RIMBP2: variants seen among roughly 807,000 people sequenced by gnomAD.
The protein encoded by RIMBP2 is RIMS binding protein 2.
Under a neutral mutation model 118.6 loss-of-function variants are expected in RIMBP2, and 48 were observed. The observed-to-expected ratio is 0.40, with a 90% CI of 0.32 to 0.51. The LOEUF is 0.51. Ranked by LOEUF, RIMBP2 falls within the 20% of genes least tolerant of loss-of-function variation. The pLI is 0.41. For missense variants in RIMBP2, 1,551 were observed against 1,768.3 expected (o/e 0.88, Z 2.20); for synonymous variants, 762 against 742.9 (o/e 1.03, Z -0.42).
At chr12:130,510,661 G>T (rs1371327024) in intron 3 of RIMBP2, among the ~76,000 whole-genome samples, 1 of 152,110 alleles carries the variant, frequency 6.6e-6, no homozygotes, top group Non-Finnish European at 1.5e-5. Flanking sequence ...GAGAGACAAG[G>T]TTTTGTCATG....
chr12:130,439,420 G>T (rs1169388829), intron 11 of RIMBP2, among the ~76,000 whole-genome samples: 17 of 147,250 alleles, frequency 1.2e-4, no homozygotes, highest in African/African-American at 3.8e-4. Flanking sequence ...TGTGTATATG[G>T]GTATATGTGT....
intron 1 of RIMBP2, among the ~76,000 whole-genome samples, chr12:130,660,928 G>C (rs1360805212): frequency 2.6e-5 from 4 of 152,128 alleles, no homozygotes; most frequent in Admixed American, 6.5e-5. Flanking sequence ...TGTTGAAAAT[G>C]ACATAATTGG....
intron 5 of RIMBP2, among the ~76,000 whole-genome samples, chr12:130,476,438 C>T (rs1013410105): frequency 2.6e-5 from 4 of 152,150 alleles, no homozygotes; most frequent in African/African-American, 9.7e-5. Context: ...TTCAGCTAAT[C>T]CGTGCCTCAT....
Position 130,414,203 on chromosome 12 carries a change from G to C in RIMBP2, c.3342C>G (p.Asp1114Glu), listed in dbSNP as rs780228912. The C allele has an allele frequency of 6.2e-7, 1 of 1,614,230 alleles. No individual in the cohort carries two copies. Among genetic ancestry groups the C allele is most frequent in the Non-Finnish European group, 8.5e-7 (1 of 1,180,046 alleles). ...LPARIFVALF[D>E]YDPLTMSPNP... ...TTGGGGACATGGTGAGCGGGTCGTA[G>C]TCAAAGAGAGCCACAAAGATCCGGG... Residue 1114 changes from aspartate to glutamate, a missense_variant, in exon 18 of 23, where the codon GAC (aspartate) becomes GAG (glutamate). Physicochemically the swap from Asp to Glu is conservative, Grantham distance 45 (BLOSUM62 2). Coordinates refer to ENST00000690449, the MANE Select transcript of RIMBP2 (RefSeq NM_001393629.1).
At chr12:130,584,318 TCACCACCATCACCTCATCAC>T (rs2058707782) in intron 2 of RIMBP2, among the ~76,000 whole-genome samples, 1 of 32,034 alleles carries the variant, frequency 3.1e-5, no homozygotes. Context: ...ATCACCTCCA[TCACCACCATCACCTCATCAC>T]CACCATCACC....
At position 130,437,078 on chromosome 12, in the gene RIMBP2, C is replaced by T. The variant is rs2077575121; in HGVS notation, c.1870G>A (p.Val624Ile). ...AGGTGCTCGTCTTTGGTTTCGGGGA[C>T]TCCAGAACTTGCTAATGGCTTTGAT... is the stretch of plus-strand genomic sequence containing the variant. ...PQSKPLASSG[V>I]PETKDEHLGP... Residue 624 changes from valine to isoleucine, a missense_variant, in exon 13 of 23, where the codon GTC becomes ATC. Val to Ile is a conservative substitution (Grantham distance 29). This residue lies in a region of RIMBP2 where 1,038 missense variants were observed against 1,125.1 expected (regional missense o/e 0.92). Transcript: ENST00000690449. 3.8e-6 allele frequency: 6 copies of T among 1,577,096 alleles called. No homozygotes were observed. The highest frequency in any genetic ancestry group is 1.4e-5 in the African/African-American group (1 of 73,908).
intron 9 of RIMBP2, among the ~76,000 whole-genome samples, chr12:130,448,428 A>G (rs1017250417): frequency 2.0e-5 from 3 of 152,210 alleles, no homozygotes; most frequent in Admixed American, 6.5e-5. Flanking sequence ...GACCAGGCTC[A>G]TGATTGGGAA....
chr12:130,547,331 G>A (rs759768387), intron 2 of RIMBP2, among the ~76,000 whole-genome samples: 3 of 152,194 alleles, frequency 2.0e-5, no homozygotes, highest in African/African-American at 4.8e-5. Context: ...ATAATGGGGG[G>A]AAATATCTTT....
chr12:130,439,137 G>C (rs750227019), intron 11 of RIMBP2, among the ~76,000 whole-genome samples: 2 of 152,048 alleles, frequency 1.3e-5, no homozygotes, highest in Non-Finnish European at 2.9e-5. Flanking sequence ...CTGCGTGTGT[G>C]TGTATATGTG....
chr12:130,646,423 T>TGCCTCGCCACC lies in RIMBP2; in HGVS notation c.-351-17968_-351-17967insGGTGGCGAGGC, dbSNP rs1566423515. Among the ~76,000 whole-genome samples, 62 of 7,482 alleles carry TGCCTCGCCACC rather than the reference T, an allele frequency of 8.3e-3. 12 individuals are homozygous for TGCCTCGCCACC. Among genetic ancestry groups the TGCCTCGCCACC allele is most frequent in the East Asian group, 0.064 (13 of 204 alleles). 4.9% of individuals were successfully genotyped at this position (7,482 alleles called of 152,430 possible). ...CCTGCCTCTCCACCTCCCTCACCAC[T>TGCCTCGCCACC]TCCCTCTCCACCTCCCTTGCCACCT... is the stretch of plus-strand genomic sequence containing the variant. On this transcript the variant is annotated intron_variant, in intron 1 of 22. Transcript: ENST00000690449.
chr12:130,713,533 G>A (rs1950114856), intron 1 of RIMBP2, among the ~76,000 whole-genome samples: 1 of 152,330 alleles, frequency 6.6e-6, no homozygotes, highest in Middle Eastern at 3.4e-3. Context: ...CTATCTACAC[G>A]GGATGAGGTA....
At chr12:130,607,081 C>A (rs550469642) in intron 2 of RIMBP2, among the ~76,000 whole-genome samples, 2 of 152,118 alleles carry the variant, frequency 1.3e-5, no homozygotes, top group East Asian at 3.9e-4. Context: ...CTACCCGCCT[C>A]GGCCTCCCAA....
At chr12:130,423,566 G>T (rs1028737347) in intron 16 of RIMBP2, among the ~76,000 whole-genome samples, 1 of 151,774 alleles carries the variant, frequency 6.6e-6, no homozygotes, top group Non-Finnish European at 1.5e-5. Context: ...CAGGGCCGGC[G>T]GGGAGAAGGC....
rs1168233327 is a variant in RIMBP2, at chr12:130,406,105, A to G, written c.3765+67T>C. The G allele has an allele frequency of 2.8e-6, 3 of 1,086,730 alleles. No individual in the cohort carries two copies. The African/African-American group carries it at 4.7e-5, about 17-fold the overall frequency. The allele number at this position is 1,086,730 out of a possible 1,614,324, so 67.3% of individuals were successfully genotyped here. A position where few individuals can be genotyped will look rare whatever the true frequency, so the allele number is the denominator to read the frequency against. Reference sequence around the variant, plus strand: ...TTAAGAGAAGGAACGGACTAGCAAAACAAAACACACAAAATAAATGAAAAT... The same window carrying G: ...TTAAGAGAAGGAACGGACTAGCAAAGCAAAACACACAAAATAAATGAAAAT... On this transcript the variant is annotated intron_variant, in intron 21 of 22. Coordinates refer to ENST00000690449, the MANE Select transcript of RIMBP2 (RefSeq NM_001393629.1).
At chr12:130,603,024 G>A (rs952752267) in intron 2 of RIMBP2, among the ~76,000 whole-genome samples, 3 of 152,056 alleles carry the variant, frequency 2.0e-5, no homozygotes, top group Non-Finnish European at 4.4e-5. Context: ...TGTCAATCTC[G>A]TAATTTTAAA....
At chr12:130,600,081 G>A (rs531066291) in intron 2 of RIMBP2, among the ~76,000 whole-genome samples, 1 of 152,290 alleles carries the variant, frequency 6.6e-6, no homozygotes, top group Admixed American at 6.5e-5. Context: ...CACCTTTCCT[G>A]ACTGAACCAG....
At chr12:130,551,137 A>T (rs576398209) in intron 2 of RIMBP2, among the ~76,000 whole-genome samples, 1 of 152,338 alleles carries the variant, frequency 6.6e-6, no homozygotes, top group South Asian at 2.1e-4. Flanking sequence ...AACTCTCAGA[A>T]GATTAAATCA....
chr12:130,535,856 A>G (rs193036681), intron 2 of RIMBP2, among the ~76,000 whole-genome samples: 7 of 150,934 alleles, frequency 4.6e-5, no homozygotes. Context: ...TCAGCTCACT[A>G]CAGCCTCAAC....
intron 2 of RIMBP2, among the ~76,000 whole-genome samples, chr12:130,553,950 T>C (rs1350521036): frequency 2.0e-5 from 3 of 152,190 alleles, no homozygotes; most frequent in Non-Finnish European, 1.5e-5. Context: ...TCTAGATTTA[T>C]GGGATCACAG....
Sources: gnomAD v4.1 joint callset for allele counts (sites outside exome capture counted in the v4.1 genomes callset) on GRCh38, gnomAD v4.1.1 for gene constraint, gnomAD v4.1.1 regional missense constraint, MANE v1.5 for transcripts, NCBI Gene and HGNC (gene_info 2026-07-23, HGNC 2026-07-21) for gene names.